MRPS9: variants seen among roughly 807,000 people sequenced by gnomAD.
The protein encoded by MRPS9 is mitochondrial ribosomal protein S9.
In MRPS9, 45 loss-of-function variants were observed where a neutral mutation model predicts 59.9. That is an observed-to-expected ratio of 0.75 (90% CI 0.59 to 0.96). The LOEUF (loss-of-function observed/expected upper bound fraction) is 0.96, where lower values mean the gene tolerates loss of function less well. Among genes scored for constraint, MRPS9 ranks in the 40% least tolerant of loss-of-function variants. The pLI is 0.00. For missense variants in MRPS9, 473 were observed against 481.1 expected (o/e 0.98, Z 0.16); for synonymous variants, 171 against 166.8 (o/e 1.03, Z -0.19).
rs925499330 is a variant in MRPS9 at position 105,090,405 on chromosome 2, C to T, written c.651+410C>T. ...GATGCAGCACATGGTTACCTTCATG[C>T]AGTTTACTGCTTACCTTGTGTGCCA... is the stretch of plus-strand genomic sequence containing the variant. On this transcript the variant is annotated intron_variant, in intron 7 of 10. Transcript: ENST00000258455. Among the ~76,000 whole-genome samples the T allele has an allele frequency of 2.6e-5, 4 of 152,224 alleles. No homozygotes were observed. In the East Asian group the frequency reaches 7.7e-4, roughly 29 times the overall value.
At chr2:105,090,103 C>A in intron 7 of MRPS9, 108 bp downstream of exon 7, 2 of 521,556 alleles carry the variant, frequency 3.8e-6, no homozygotes, top group Non-Finnish European at 6.6e-6. Context: ...GGTGTTCCTA[C>A]GATGACTTTT....
At chr2:105,043,117 A>G (rs376127685) in intron 1 of MRPS9, among the ~76,000 whole-genome samples, 7 of 152,268 alleles carry the variant, frequency 4.6e-5, no homozygotes, top group South Asian at 2.1e-4. Flanking sequence ...CTTATCATCT[A>G]TTACCTATTT....
chr2:105,098,096 G>A (rs778913474), intron 10 of MRPS9: 2 of 152,128 alleles, frequency 1.3e-5, no homozygotes, highest in African/African-American at 2.4e-5. Context: ...TCCCATTGTG[G>A]TGTTTGAATT....
rs781724583 is a variant in MRPS9 at position 105,099,684 on chromosome 2, A to G, written c.1114A>G (p.Thr372Ala). 8.1e-6 allele frequency: 13 copies of G among 1,614,036 alleles called. No individual in the cohort carries two copies. Among genetic ancestry groups the G allele is most frequent in the South Asian group, 4.4e-5 (4 of 91,072 alleles). The change falls in exon 11 of 11, where the codon ACT becomes GCT. Residue 372 changes from threonine (T) to alanine (A), a missense_variant. By Grantham distance (58) the Thr-to-Ala change is moderately conservative (BLOSUM62 0). Coordinates refer to ENST00000258455, the MANE Select transcript of MRPS9 (RefSeq NM_182640.3). The stretch of plus-strand genomic sequence containing the variant: ...TTATGCTGCAGCTGGACTACTTACT[A>G]CTGATCCACGTGTGAGGGAACGGAA... ...EWMRQAGLLT[T>A]DPRVRERKKP...
At chr2:105,039,824 AATGG>A (rs370852867) in intron 1 of MRPS9, among the ~76,000 whole-genome samples, 9 of 152,302 alleles carry the variant, frequency 5.9e-5, no homozygotes, top group African/African-American at 2.2e-4. Flanking sequence ...GGTTTAGTAA[AATGG>A]ATGAAGAATG....
intron 5 of MRPS9, among the ~76,000 whole-genome samples, chr2:105,083,247 A>G (rs564366067): frequency 6.6e-6 from 1 of 152,354 alleles, no homozygotes; most frequent in African/African-American, 2.4e-5. Flanking sequence ...AAAATGCTAT[A>G]CAGCAAGATA....
At chr2:105,081,207 A>G (rs1165010962) in intron 5 of MRPS9, among the ~76,000 whole-genome samples, 1 of 152,210 alleles carries the variant, frequency 6.6e-6, no homozygotes, top group African/African-American at 2.4e-5. Context: ...GAAATAATGT[A>G]CAACGCTTCA....
At chr2:105,085,566 A>G (rs11893636) in intron 5 of MRPS9, among the ~76,000 whole-genome samples, 118 of 152,310 alleles carry the variant, frequency 7.7e-4, no homozygotes, top group African/African-American at 2.5e-3. Context: ...CATAGTGCTC[A>G]TACTCTCAGA....
chr2:105,047,772 G>A lies in MRPS9; in HGVS notation c.136-1399G>A, dbSNP rs760037492. Among the ~76,000 whole-genome samples, 63 of 152,146 alleles carry A rather than the reference G, an allele frequency of 4.1e-4. 3 individuals carry two copies. The highest frequency in any genetic ancestry group is 7.5e-4 in the Non-Finnish European group (51 of 67,926). On this transcript the variant is annotated intron_variant, in intron 1 of 10. Coordinates refer to ENST00000258455, the MANE Select transcript of MRPS9 (RefSeq NM_182640.3). ...TCGTTTTTTAGCATCTTTGACTGAA[G>A]GCGAAATCTTCATGCCTTGGAGGGA...
At chr2:105,088,960 T>G in intron 5 of MRPS9, 24 bp from the exon 6 acceptor site, 2 of 1,502,688 alleles carry the variant, frequency 1.3e-6, no homozygotes, top group Non-Finnish European at 1.8e-6. Context: ...TTTTAGCATG[T>G]ACTGTATATT....
chr2:105,049,647 C>G (rs532679970), intron 2 of MRPS9, among the ~76,000 whole-genome samples: 1 of 152,244 alleles, frequency 6.6e-6, no homozygotes, highest in Non-Finnish European at 1.5e-5. Flanking sequence ...AATGATATAA[C>G]AGATGGTAAT....
intron 2 of MRPS9, among the ~76,000 whole-genome samples, chr2:105,070,733 C>G (rs1259259882): frequency 6.6e-6 from 1 of 152,138 alleles, no homozygotes; most frequent in Admixed American, 6.5e-5. Flanking sequence ...GGAAAAAAGC[C>G]AGGAATACTA....
At position 105,093,586 on chromosome 2, in the gene MRPS9, A is replaced by G. The variant is rs1371026276; in HGVS notation, c.877A>G (p.Ile293Val). ...TGTTTATAAACATGGAAGTGGAAGA[A>G]TAAAAGTAAATGGAATTGATTACCA... ...AIVYKHGSGRIKVNGIDYQLY... is the reference protein window; with the variant it reads ...AIVYKHGSGRVKVNGIDYQLY... Residue 293 changes from isoleucine to valine, a missense_variant, in exon 9 of 11, where the codon ATA becomes GTA. By Grantham distance (29) the Ile-to-Val change is conservative (BLOSUM62 3). Transcript: ENST00000258455. The G allele has an allele frequency of 6.2e-7, 1 of 1,607,534 alleles. No homozygotes were observed. Among genetic ancestry groups the G allele is most frequent in the East Asian group, 2.2e-5 (1 of 44,632 alleles).
intron 9 of MRPS9, among the ~76,000 whole-genome samples, chr2:105,095,982 G>C (rs909522882): frequency 1.3e-5 from 2 of 152,058 alleles, no homozygotes; most frequent in Non-Finnish European, 2.9e-5. Context: ...AGTTATCATA[G>C]TATATTAATA....
Position 105,092,550 on chromosome 2 carries a change from G to A in MRPS9, c.801G>A (p.Met267Ile). Residue 267 changes from methionine to isoleucine, a missense_variant, in exon 8 of 11, where the codon ATG (methionine) becomes ATA (isoleucine). Coordinates refer to ENST00000258455, the MANE Select transcript of MRPS9 (RefSeq NM_182640.3). ...CTGTACAGTATGATGAGCAAGGAAT[G>A]GCCTTTAGCAAAAGTGAAGGTAATG... Reference protein sequence around the residue: ...IEPVQYDEQGMAFSKSEGKRK... With the variant: ...IEPVQYDEQGIAFSKSEGKRK... The A allele has an allele frequency of 6.3e-7, 1 of 1,586,606 alleles. No homozygotes were observed. The highest frequency in any genetic ancestry group is 8.6e-7 in the Non-Finnish European group (1 of 1,168,356).
chr2:105,090,667 A>C (rs1416153940), intron 7 of MRPS9, among the ~76,000 whole-genome samples: 1 of 152,218 alleles, frequency 6.6e-6, no homozygotes, highest in Non-Finnish European at 1.5e-5. Context: ...TAAATGTTCT[A>C]ATATATCAAC....
rs149513007 is a variant in MRPS9, at chr2:105,053,374, G to A, written c.315+4024G>A. Among the ~76,000 whole-genome samples, 1,209 of 152,144 alleles carry A rather than the reference G, an allele frequency of 7.9e-3. 6 individuals are homozygous for A. Among genetic ancestry groups the A allele is most frequent in the Non-Finnish European group, 0.011 (756 of 67,994 alleles). The stretch of plus-strand genomic sequence containing the variant: ...TTTTCACATAGACAAATTAGGCACC[G>A]TTGTATTCAGATTAAGCTATTAGTT... On this transcript the variant is annotated intron_variant, in intron 2 of 10. Transcript: ENST00000258455.
chr2:105,074,655 C>T (rs951765793), intron 4 of MRPS9, among the ~76,000 whole-genome samples: 4 of 152,168 alleles, frequency 2.6e-5, no homozygotes, highest in African/African-American at 4.8e-5. Context: ...TTACCAAGGA[C>T]GTAACAGCCA....
In MRPS9 at chr2:105,049,237, A is replaced by G; in HGVS notation, c.202A>G (p.Thr68Ala). 1 of 1,613,596 alleles carries G rather than the reference A, an allele frequency of 6.2e-7. No individual in the cohort carries two copies. Among genetic ancestry groups the G allele is most frequent in the Non-Finnish European group, 8.5e-7 (1 of 1,179,766 alleles). Residue 68 changes from threonine to alanine, a missense_variant, in exon 2 of 11, where the codon ACT (threonine) becomes GCT (alanine). Physicochemically the swap from Thr to Ala is moderately conservative, Grantham distance 58. Coordinates refer to ENST00000258455, the MANE Select transcript of MRPS9 (RefSeq NM_182640.3). ...AAACGTTCCTACCTCAAAACGTGAA[A>G]CTTACACAGAGGATTTTATTAAAAA... The part of the protein sequence containing the change: ...KKNVPTSKRE[T>A]YTEDFIKKQI...
Sources: gnomAD v4.1 joint callset for allele counts (sites outside exome capture counted in the v4.1 genomes callset) on GRCh38, gnomAD v4.1.1 for gene constraint, MANE v1.5 for transcripts, NCBI Gene and HGNC (gene_info 2026-07-23, HGNC 2026-07-21) for gene names.